KCNN3: variants seen among roughly 807,000 people sequenced by gnomAD.
KCNN3 encodes the protein small conductance calcium-activated potassium channel protein 3.
KCNN3 carries 16 observed loss-of-function variants against 62.9 expected under a neutral mutation model. The observed-to-expected ratio is 0.25, with a 90% CI of 0.17 to 0.39. The LOEUF (loss-of-function observed/expected upper bound fraction) is 0.39. Among genes scored for constraint, KCNN3 ranks in the 10% least tolerant of loss-of-function variants. KCNN3 has a pLI of 1.00. For missense variants in KCNN3, 599 were observed against 949.4 expected (o/e 0.63, Z 4.85); for synonymous variants, 370 against 389.2 (o/e 0.95, Z 0.58).
intron 3 of KCNN3, among the ~76,000 whole-genome samples, chr1:154,752,375 G>A (rs1378741959): frequency 6.6e-6 from 1 of 151,312 alleles, no homozygotes; most frequent in African/African-American, 2.4e-5. Context: ...TGGGCTCTGG[G>A]ATCTTCAAGC....
chr1:154,766,593 T>C (rs992261038), intron 3 of KCNN3, among the ~76,000 whole-genome samples: 3 of 149,786 alleles, frequency 2.0e-5, no homozygotes, highest in East Asian at 2.0e-4. Context: ...CTGCTCAGCC[T>C]ACAGGGTTTA....
At chr1:154,758,367 T>G (rs547837801) in intron 3 of KCNN3, among the ~76,000 whole-genome samples, 1 of 152,328 alleles carries the variant, frequency 6.6e-6, no homozygotes, top group African/African-American at 2.4e-5. Flanking sequence ...GTTTTCCCCT[T>G]GGCTCAGCTG....
Position 154,862,983 on chromosome 1 carries a change from C to T in KCNN3, c.933+6049G>A, listed in dbSNP as rs781190091. Among the ~76,000 whole-genome samples the T allele has an allele frequency of 5.1e-4, 77 of 151,802 alleles. No individual in the cohort carries two copies. Among genetic ancestry groups the T allele is most frequent in the Non-Finnish European group, 4.6e-4 (31 of 67,956 alleles). ...CACCGCTGGCAGTGTCAGTGTGGCC[C>T]GGTGACTTCATCTACACAGGGGGCG... On this transcript the variant is annotated intron_variant, in intron 1 of 7. Transcript: ENST00000271915. This position sits in a 1 kb window ranked among gnomAD's most constrained non-coding sequence, Gnocchi z 4.1.
chr1:154,772,485 T>C lies in KCNN3; in HGVS notation c.1030-92A>G. Reference sequence around the variant, plus strand: ...ACAGGTGGGGCAGGCTGGGGCAGGCTGCTGGGCTCAGGTCAGCCTGACCAC... The same window carrying C: ...ACAGGTGGGGCAGGCTGGGGCAGGCCGCTGGGCTCAGGTCAGCCTGACCAC... On this transcript the variant is annotated intron_variant, in intron 2 of 7. Transcript: ENST00000271915. This position sits in a 1 kb window ranked among gnomAD's most constrained non-coding sequence, Gnocchi z 5.6. 7.5e-7 allele frequency: 1 copy of C among 1,340,046 alleles called. No individual in the cohort carries two copies. Among genetic ancestry groups the C allele is most frequent in the Non-Finnish European group, 1.1e-6 (1 of 947,500 alleles). The allele number at this position is 1,340,046 out of a possible 1,614,324, so 83.0% of individuals were successfully genotyped here. A position where few individuals can be genotyped will look rare whatever the true frequency, so the allele number is the denominator to read the frequency against.
Position 154,861,451 on chromosome 1 carries a change from C to A in KCNN3, c.933+7581G>T, listed in dbSNP as rs1358729583. The stretch of plus-strand genomic sequence containing the variant: ...CAGACGAGACAGTCTCCTCTTTCCT[C>A]CCTACATGCCCCTGTGTGCACCACA... On this transcript the variant is annotated intron_variant, in intron 1 of 7. Transcript: ENST00000271915. 2.6e-5 allele frequency among the ~76,000 whole-genome samples: 4 copies of A among 152,166 alleles called. No individual in the cohort carries two copies. The East Asian group carries it at 7.7e-4, about 29-fold the overall frequency.
intron 2 of KCNN3, among the ~76,000 whole-genome samples, chr1:154,788,317 C>A (rs375853545): frequency 6.6e-6 from 1 of 152,154 alleles, no homozygotes; most frequent in African/African-American, 2.4e-5. Flanking sequence ...ATGTTGGAAG[C>A]ACCATACAAA....
intron 4 of KCNN3, among the ~76,000 whole-genome samples, chr1:154,730,283 T>A (rs968571240): frequency 6.6e-6 from 1 of 152,216 alleles, no homozygotes; most frequent in Non-Finnish European, 1.5e-5. Context: ...CCCTGCTTAA[T>A]GGTTGATAAT....
intron 2 of KCNN3, among the ~76,000 whole-genome samples, chr1:154,810,184 G>C (rs1650344498): frequency 6.6e-6 from 1 of 152,188 alleles, no homozygotes; most frequent in Non-Finnish European, 1.5e-5. Flanking sequence ...GGGAGAATAT[G>C]GGCGGGGAAA....
intron 1 of KCNN3, among the ~76,000 whole-genome samples, chr1:154,849,348 G>A (rs980605498): frequency 3.3e-5 from 5 of 152,220 alleles, no homozygotes; most frequent in South Asian, 2.1e-4. Context: ...GCCTCGCAGG[G>A]GCCAATGGGG....
rs1699812507 is a variant in KCNN3 at position 154,699,671 on chromosome 1, C to T, written c.*8305G>A. ...GAGAATTGGCTTTCAAGGAGATTAGCAATGTTTCTAGATGGTTAAACTAAC... is the reference window on the plus strand; with the variant it reads ...GAGAATTGGCTTTCAAGGAGATTAGTAATGTTTCTAGATGGTTAAACTAAC... On this transcript the variant is annotated 3_prime_UTR_variant, in exon 8 of 8. Coordinates refer to ENST00000271915, the MANE Select transcript of KCNN3 (RefSeq NM_002249.6). 2 of 152,134 alleles carry T rather than the reference C, an allele frequency of 1.3e-5. No individual in the cohort carries two copies. The highest frequency in any genetic ancestry group is 4.8e-5 in the African/African-American group (2 of 41,424). 9.4% of individuals were successfully genotyped at this position (152,134 alleles called of 1,614,324 possible).
At chr1:154,712,606 T>C (rs1700101560) in intron 7 of KCNN3, among the ~76,000 whole-genome samples, 1 of 152,218 alleles carries the variant, frequency 6.6e-6, no homozygotes, top group Non-Finnish European at 1.5e-5. Context: ...ACCCAGGGAA[T>C]GTGTTCCATT....
chr1:154,850,741 T>A lies in KCNN3; in HGVS notation c.933+18291A>T, dbSNP rs527907058. Among the ~76,000 whole-genome samples, 21 of 152,354 alleles carry A rather than the reference T, an allele frequency of 1.4e-4. No homozygotes were observed. The South Asian group carries it at 4.1e-3, about 30-fold the overall frequency. On this transcript the variant is annotated intron_variant, in intron 1 of 7. Coordinates refer to ENST00000271915, the MANE Select transcript of KCNN3 (RefSeq NM_002249.6). ...GTTGAAAGTGCTAGAAAATTAGGAA[T>A]GCATATCTTTAGCGTTTTGTATCAT...
At chr1:154,834,059 G>T (rs1275386733) in intron 1 of KCNN3, among the ~76,000 whole-genome samples, 1 of 152,224 alleles carries the variant, frequency 6.6e-6, no homozygotes, top group Admixed American at 6.5e-5. Context: ...CAATTGTTTG[G>T]ATGTGATGGA....
chr1:154,829,076 C>T (rs1651273621), intron 1 of KCNN3, among the ~76,000 whole-genome samples: 1 of 152,238 alleles, frequency 6.6e-6, no homozygotes, highest in Admixed American at 6.5e-5. Flanking sequence ...AGGAGCTCAT[C>T]CCAAGGGCTG....
rs371963139 is a variant in KCNN3, at chr1:154,805,853, CTA to C, written c.1029+16234_1029+16235del. Among the ~76,000 whole-genome samples the C allele has an allele frequency of 1.1e-4, 16 of 152,280 alleles. No homozygotes were observed. The East Asian group carries it at 3.1e-3, about 29-fold the overall frequency. ...GTGTCCAAATCACCAGAACCTGTGA[CTA>C]TGTTATAAGCAGGAATTAAGGATGC... On this transcript the variant is annotated intron_variant, in intron 2 of 7. Transcript: ENST00000271915.
In KCNN3 at chr1:154,840,093, T is replaced by C. The variant is rs796876479; in HGVS notation, c.934-17909A>G. On this transcript the variant is annotated intron_variant, in intron 1 of 7. Coordinates refer to ENST00000271915, the MANE Select transcript of KCNN3 (RefSeq NM_002249.6). ...CTCTTGCAATTTATCTAGTATTTCC[T>C]AAAAGGTCACTGGGTGGTGATTTCA... Among the ~76,000 whole-genome samples, 10 of 152,204 alleles carry C rather than the reference T, an allele frequency of 6.6e-5. No homozygotes were observed. In the East Asian group the frequency reaches 9.6e-4, roughly 15 times the overall value.
At chr1:154,740,503 A>AT (rs2101801592) in intron 3 of KCNN3, among the ~76,000 whole-genome samples, 1 of 152,338 alleles carries the variant, frequency 6.6e-6, no homozygotes, top group South Asian at 2.1e-4. Context: ...TCTAGGACAC[A>AT]TACCTAAGAC....
intron 7 of KCNN3, among the ~76,000 whole-genome samples, chr1:154,710,300 C>T (rs11264245): frequency 0.035 from 5,373 of 152,250 alleles, 125 homozygotes; most frequent in Non-Finnish European, 0.053. Flanking sequence ...CCCCCTGTTC[C>T]GTTGCTTGGT....
intron 1 of KCNN3, among the ~76,000 whole-genome samples, chr1:154,863,264 T>C (rs1171199289): frequency 6.6e-6 from 1 of 152,110 alleles, no homozygotes; most frequent in Non-Finnish European, 1.5e-5. Flanking sequence ...ATTCGCCTCC[T>C]CCGGACTTTC....
Sources: allele counts gnomAD v4.1 joint callset (sites outside exome capture counted in the v4.1 genomes callset), GRCh38; gene constraint gnomAD v4.1.1; non-coding constraint Gnocchi (gnomAD v3.1); transcripts MANE v1.5; gene names NCBI Gene and HGNC (gene_info 2026-07-23, HGNC 2026-07-21).